KSR1: variants seen among roughly 807,000 people sequenced by gnomAD.
KSR1 encodes the protein kinase suppressor of ras 1.
A neutral mutation model predicts 92.9 loss-of-function variants in KSR1; 35 were observed. The observed-to-expected ratio is 0.38, with a 90% CI of 0.29 to 0.50. The LOEUF (loss-of-function observed/expected upper bound fraction) is 0.50. Ranked by LOEUF, KSR1 falls within the 20% of genes least tolerant of loss-of-function variation. The probability of loss-of-function intolerance (pLI) is 0.94; values close to 1 mark genes in which losing one functional copy is unlikely to be tolerated. For missense variants in KSR1, 972 were observed against 1,158.5 expected, an observed-to-expected ratio of 0.84 and a Z score of 2.34; for synonymous variants, 467 against 472.6, an observed-to-expected ratio of 0.99 and a Z score of 0.15.
chr17:27,604,729 G>A lies in KSR1; in HGVS notation c.1614+1G>A. 6.2e-7 allele frequency: 1 copy of A among 1,614,036 alleles called. No individual in the cohort carries two copies. Among genetic ancestry groups the A allele is most frequent in the Non-Finnish European group, 8.5e-7 (1 of 1,179,890 alleles). On this transcript the variant is annotated splice_donor_variant, in intron 13 of 20. Coordinates refer to ENST00000644974, the MANE Select transcript of KSR1 (RefSeq NM_001394583.1). LOFTEE classifies it high-confidence loss of function. ...TGTGTTGGAAGCTCACGAAGCGGAG[G>A]TGAGGGTGACACACACGTGTCCACA...
chr17:27,568,188 T>C (rs138139543), intron 2 of KSR1, among the ~76,000 whole-genome samples: 129 of 152,344 alleles, frequency 8.5e-4, no homozygotes, highest in African/African-American at 2.7e-3. Context: ...TGGACCCCCA[T>C]GGGGCAGCTC....
At chr17:27,550,532 A>T in intron 1 of KSR1, 36 bp from the exon 2 acceptor site, 1 of 761,024 alleles carries the variant, frequency 1.3e-6, no homozygotes, top group Admixed American at 1.7e-5. Flanking sequence ...TGGGCTGCAG[A>T]TGAACACAGG....
chr17:27,483,492 C>G (rs997374241), intron 1 of KSR1, among the ~76,000 whole-genome samples: 3 of 148,514 alleles, frequency 2.0e-5, no homozygotes, highest in African/African-American at 7.5e-5. Context: ...GAGGCTGAGG[C>G]AGGAGAATCG....
At chr17:27,498,628 C>T (rs1417937442) in intron 1 of KSR1, among the ~76,000 whole-genome samples, 1 of 152,152 alleles carries the variant, frequency 6.6e-6, no homozygotes, top group Non-Finnish European at 1.5e-5. Context: ...AGGGTGATCC[C>T]GATAACACTA....
chr17:27,542,450 G>C (rs888839860), intron 1 of KSR1, among the ~76,000 whole-genome samples: 1 of 152,094 alleles, frequency 6.6e-6, no homozygotes, highest in African/African-American at 2.4e-5. Context: ...GGCAGCCAAC[G>C]ACCAAAGTCA....
At chr17:27,621,887 A>G (rs747773678) in intron 20 of KSR1, 1 of 1,611,692 alleles carries the variant, frequency 6.2e-7, no homozygotes, top group Admixed American at 1.7e-5. Context: ...TGGGGCTATG[A>G]TTCTGATGCT....
In KSR1 at chr17:27,577,353, G is replaced by C; in HGVS notation, c.373-139G>C. 1 of 597,422 alleles carries C rather than the reference G, an allele frequency of 1.7e-6. No homozygotes were observed. 37.0% of individuals were successfully genotyped at this position (597,422 alleles called of 1,614,324 possible). A position where few individuals can be genotyped will look rare whatever the true frequency, so the allele number is the denominator to read the frequency against. On this transcript the variant is annotated intron_variant, in intron 2 of 20. Transcript: ENST00000644974. This position sits in a 1 kb window ranked among gnomAD's most constrained non-coding sequence, Gnocchi z 4.5. ...CAGGGAGCTCTGCTTGTGTCCCCAA[G>C]CACGTGGTGGCTCTGGTCAGAGGCC...
At chr17:27,475,592 G>T (rs899058567) in intron 1 of KSR1, among the ~76,000 whole-genome samples, 2 of 152,108 alleles carry the variant, frequency 1.3e-5, no homozygotes, top group Admixed American at 6.5e-5. Flanking sequence ...GCACCTGCCC[G>T]GTATTACTCT....
chr17:27,538,407 G>C (rs1322008144), intron 1 of KSR1, among the ~76,000 whole-genome samples: 2 of 152,112 alleles, frequency 1.3e-5, no homozygotes, highest in Non-Finnish European at 2.9e-5. Context: ...GGAGGTGTTG[G>C]GCAGCCCCAA....
intron 5 of KSR1, chr17:27,585,935 C>T: frequency 2.0e-6 from 1 of 489,388 alleles, no homozygotes; most frequent in Non-Finnish European, 3.7e-6. Flanking sequence ...AGAGCCCTGT[C>T]TCCACCTTGC....
chr17:27,619,666 G>A (rs1017672197), intron 19 of KSR1, among the ~76,000 whole-genome samples: 7 of 151,838 alleles, frequency 4.6e-5, no homozygotes, highest in African/African-American at 1.7e-4. Flanking sequence ...CAAAGTGCTG[G>A]GATTACAGTC....
intron 1 of KSR1, among the ~76,000 whole-genome samples, chr17:27,514,271 A>G (rs2069708531): frequency 6.6e-6 from 1 of 152,244 alleles, no homozygotes; most frequent in Non-Finnish European, 1.5e-5. Flanking sequence ...TACTTGGAGG[A>G]AAACAGTAAG....
chr17:27,539,965 A>T (rs2070897218), intron 1 of KSR1, among the ~76,000 whole-genome samples: 1 of 152,242 alleles, frequency 6.6e-6, no homozygotes, highest in East Asian at 1.9e-4. Flanking sequence ...CCTCCGTGGC[A>T]CATAAAATGG....
chr17:27,620,521 G>A (rs1040301530), intron 19 of KSR1, among the ~76,000 whole-genome samples: 3 of 152,202 alleles, frequency 2.0e-5, no homozygotes, highest in Admixed American at 1.3e-4. Flanking sequence ...GTGAGCAAAG[G>A]GTGATACCAT....
chr17:27,501,292 CTTTTTTTTTTTTT>C, intron 1 of KSR1, among the ~76,000 whole-genome samples: 2 of 49,706 alleles, frequency 4.0e-5, no homozygotes, highest in Non-Finnish European at 6.7e-5. Context: ...TTCTTTTCTT[CTTTTTTTTTTTTT>C]TTTTTTTTTT....
intron 1 of KSR1, among the ~76,000 whole-genome samples, chr17:27,494,322 T>C (rs2068914357): frequency 6.6e-6 from 1 of 151,970 alleles, no homozygotes; most frequent in Non-Finnish European, 1.5e-5. Context: ...ATTAGAGATG[T>C]GTAAAGTGCA....
At position 27,608,014 on chromosome 17, in the gene KSR1, A is replaced by AGGGGGTGCCCAGCTGCT; in HGVS notation, c.2091+12_2091+28dup. Reference sequence around the variant, plus strand: ...AATCGCTCAGGAGATCATCAAGGTGAGGGGGTGCCCAGCTGCTGGGGGTGG... The same window carrying AGGGGGTGCCCAGCTGCT: ...AATCGCTCAGGAGATCATCAAGGTGAGGGGGTGCCCAGCTGCTGGGGGTGCCCAGCTGCTGGGGGTGG... On this transcript the variant is annotated splice_donor_region_variant and intron_variant, in intron 15 of 20. Coordinates refer to ENST00000644974, the MANE Select transcript of KSR1 (RefSeq NM_001394583.1). The AGGGGGTGCCCAGCTGCT allele has an allele frequency of 6.3e-7, 1 of 1,599,788 alleles. No individual in the cohort carries two copies. Among genetic ancestry groups the AGGGGGTGCCCAGCTGCT allele is most frequent in the Non-Finnish European group, 8.5e-7 (1 of 1,171,748 alleles).
chr17:27,597,539 A>C (rs2073390251), intron 10 of KSR1, 103 bp downstream of exon 10: 4 of 1,222,266 alleles, frequency 3.3e-6, no homozygotes, highest in Non-Finnish European at 3.4e-6. Context: ...GGCCACAGCT[A>C]AGAGCTGATG....
intron 1 of KSR1, among the ~76,000 whole-genome samples, chr17:27,461,095 T>A (rs191197130): frequency 1.3e-5 from 2 of 152,270 alleles, no homozygotes; most frequent in East Asian, 3.9e-4. Context: ...TTTTTGTTTT[T>A]CTTTTAGTCA....
Sources: gnomAD v4.1 joint callset for allele counts (sites outside exome capture counted in the v4.1 genomes callset) on GRCh38, gnomAD v4.1.1 for gene constraint, Gnocchi (gnomAD v3.1) non-coding constraint, MANE v1.5 for transcripts, NCBI Gene and HGNC (gene_info 2026-07-23, HGNC 2026-07-21) for gene names.